ACAA2: variants seen among roughly 807,000 people sequenced by gnomAD.
ACAA2 encodes the protein acetyl-CoA acyltransferase 2.
In ACAA2, 35 loss-of-function variants were observed where a neutral mutation model predicts 44.8. The ratio of observed to expected loss-of-function variants is 0.78; its 90% CI spans 0.60 to 1.04. The LOEUF (loss-of-function observed/expected upper bound fraction) is 1.04. Ranked by LOEUF, ACAA2 falls within the 50% of genes least tolerant of loss-of-function variation. ACAA2 has a pLI of 0.00. For synonymous variants in ACAA2, 142 were observed against 166.5 expected (o/e 0.85, Z 1.13); for missense variants, 468 against 482.6 (o/e 0.97, Z 0.28).
At position 49,797,478 on chromosome 18, in the gene ACAA2, C is replaced by T; in HGVS notation, c.300G>A (p.Val100=). 1.2e-6 allele frequency: 2 copies of T among 1,609,332 alleles called. No homozygotes were observed. Among genetic ancestry groups the T allele is most frequent in the Non-Finnish European group, 1.7e-6 (2 of 1,179,070 alleles). ...RLCGSGFQSI[V]NGCQEICVKE... is the part of the protein sequence containing the mutation. ...ATGTTGTCCATACCTGACATCCATT[C>T]ACAATGGACTGAAAACCAGAACCAC... The change falls in exon 3 of 10, where the codon GTG becomes GTA. Residue 100 remains valine (V), a synonymous_variant. Transcript: ENST00000285093.
At position 49,810,077 on chromosome 18, in the gene ACAA2, A is replaced by T. The variant is rs973081503; in HGVS notation, c.16+3392T>A. On this transcript the variant is annotated intron_variant, in intron 1 of 9. Transcript: ENST00000285093. ...TTCTTTAAAGTCGGATAGTAAAAAA[A>T]CACGGGCAGAACCTCAAGGACTAAC... Among the ~76,000 whole-genome samples the T allele has an allele frequency of 2.0e-5, 3 of 152,250 alleles. No individual in the cohort carries two copies. In the South Asian group the frequency reaches 6.2e-4, roughly 31 times the overall value.
At chr18:49,794,231 CCTATAGATATTTATT>C in intron 5 of ACAA2, 34 bp downstream of exon 5, 2 of 1,330,832 alleles carry the variant, frequency 1.5e-6, no homozygotes, top group East Asian at 2.6e-5. Flanking sequence ...GAAAATATTT[CCTATAGATATTTATT>C]CTATAGATAC....
Position 49,791,659 on chromosome 18 carries a change from G to GAACTAATGGACTAGTAGT in ACAA2, c.754-78_754-61dup, listed in dbSNP as rs2023400856. The GAACTAATGGACTAGTAGT allele has an allele frequency of 3.2e-6, 5 of 1,553,242 alleles. No homozygotes were observed. The East Asian group carries it at 1.1e-4, about 35-fold the overall frequency. ...AAAATAATCCAGTTAATCAAAGTTT[G>GAACTAATGGACTAGTAGT]AACTAATGGACTAGTAGTATTAGGA... is the stretch of plus-strand genomic sequence containing the variant. On this transcript the variant is annotated intron_variant, in intron 6 of 9. Transcript: ENST00000285093.
intron 1 of ACAA2, among the ~76,000 whole-genome samples, chr18:49,810,535 T>G (rs1470976458): frequency 6.6e-6 from 1 of 151,406 alleles, no homozygotes; most frequent in Non-Finnish European, 1.5e-5. Flanking sequence ...CATGGGAAAA[T>G]AAAAACAAAA....
At chr18:49,808,797 T>C (rs1340741907) in intron 1 of ACAA2, among the ~76,000 whole-genome samples, 5 of 152,098 alleles carry the variant, frequency 3.3e-5, no homozygotes, top group Non-Finnish European at 5.9e-5. Context: ...AATCAAAAAC[T>C]CCTGATAAGG....
chr18:49,791,006 A>G (rs952617897), intron 7 of ACAA2, among the ~76,000 whole-genome samples: 1 of 152,164 alleles, frequency 6.6e-6, no homozygotes, highest in African/African-American at 2.4e-5. Context: ...CTCATTCACA[A>G]AGAAGTCTCC....
At chr18:49,800,220 G>T (rs1183662412) in intron 2 of ACAA2, among the ~76,000 whole-genome samples, 10 of 143,610 alleles carry the variant, frequency 7.0e-5, no homozygotes, top group Non-Finnish European at 1.1e-4. Flanking sequence ...TCCGGGAGGT[G>T]GGGGGGTCAG....
At chr18:49,804,057 C>T (rs1210991135) in intron 1 of ACAA2, among the ~76,000 whole-genome samples, 1 of 152,016 alleles carries the variant, frequency 6.6e-6, no homozygotes, top group Non-Finnish European at 1.5e-5. Flanking sequence ...ACTACAGACA[C>T]CCACCACCAG....
chr18:49,810,541 CA>C (rs1415452217), intron 1 of ACAA2, among the ~76,000 whole-genome samples: 1 of 150,638 alleles, frequency 6.6e-6, no homozygotes, highest in Admixed American at 6.6e-5. Flanking sequence ...AAAATAAAAA[CA>C]AAAAAAAACC....
Position 49,785,588 on chromosome 18 carries a change from T to C in ACAA2, c.955-237A>G, listed in dbSNP as rs1412079486. The C allele has an allele frequency of 3.2e-5, 16 of 502,262 alleles. No homozygotes were observed. The Admixed American group carries it at 3.3e-4, about 10-fold the overall frequency. The allele number at this position is 502,262 out of a possible 1,614,324, so 31.1% of individuals were successfully genotyped here. A position where few individuals can be genotyped will look rare whatever the true frequency, so the allele number is the denominator to read the frequency against. ...TTAGAGGCAATTCTCAGTAATCCCATAAATTGACACATACCAGACACAGTG... is the reference window on the plus strand; with the variant it reads ...TTAGAGGCAATTCTCAGTAATCCCACAAATTGACACATACCAGACACAGTG... On this transcript the variant is annotated intron_variant, in intron 8 of 9. Transcript: ENST00000285093.
Position 49,787,309 on chromosome 18 carries a change from C to CTTAAGACTCAGTCCTGCTTTCTT in ACAA2, c.913_935dup (p.Asp313ArgfsTer5). Reference sequence around the variant, plus strand: ...CACTTACCTCTACCAAATCCATGTCCTTAAGACTCAGTCCTGCTTTCTTCA... The same window carrying CTTAAGACTCAGTCCTGCTTTCTT: ...CACTTACCTCTACCAAATCCATGTCCTTAAGACTCAGTCCTGCTTTCTTTTAAGACTCAGTCCTGCTTTCTTCA... On this transcript the variant is annotated stop_gained and frameshift_variant, in exon 8 of 10. Coordinates refer to ENST00000285093, the MANE Select transcript of ACAA2 (RefSeq NM_006111.3). LOFTEE classifies it high-confidence loss of function. 7.0e-7 allele frequency: 1 copy of CTTAAGACTCAGTCCTGCTTTCTT among 1,423,312 alleles called. No homozygotes were observed. Among genetic ancestry groups the CTTAAGACTCAGTCCTGCTTTCTT allele is most frequent in the Non-Finnish European group, 9.3e-7 (1 of 1,076,498 alleles). 88.2% of individuals were successfully genotyped at this position (1,423,312 alleles called of 1,614,324 possible).
chr18:49,809,839 A>G lies in ACAA2; in HGVS notation c.16+3630T>C, dbSNP rs192048989. ...GTCAAAACCCATAGAACTATACAAT[A>G]CAATGAATGAACTTGAATGCAAAAT... On this transcript the variant is annotated intron_variant, in intron 1 of 9. Coordinates refer to ENST00000285093, the MANE Select transcript of ACAA2 (RefSeq NM_006111.3). Among the ~76,000 whole-genome samples, 21 of 152,370 alleles carry G rather than the reference A, an allele frequency of 1.4e-4. No homozygotes were observed. In the East Asian group the frequency reaches 3.7e-3, roughly 27 times the overall value.
Position 49,792,174 on chromosome 18 carries a change from G to A in ACAA2, c.731C>T (p.Thr244Ile), listed in dbSNP as rs2023409706. The A allele has an allele frequency of 6.2e-7, 1 of 1,613,840 alleles. No individual in the cohort carries two copies. Among genetic ancestry groups the A allele is most frequent in the Non-Finnish European group, 8.5e-7 (1 of 1,179,890 alleles). ...KLPPVFKKDG[T>I]VTAGNASGVA... Reference sequence around the variant, plus strand: ...AACCGATGCATTCCCTGCAGTAACAGTTCCATCTTTCTTGAATACTGGAGG... The same window carrying A: ...AACCGATGCATTCCCTGCAGTAACAATTCCATCTTTCTTGAATACTGGAGG... The change falls in exon 6 of 10, where the codon ACT becomes ATT. Residue 244 changes from threonine (T) to isoleucine (I), a missense_variant. Thr to Ile is a moderately conservative substitution (Grantham distance 89, BLOSUM62 -1). Transcript: ENST00000285093.
At chr18:49,807,398 C>T (rs985624339) in intron 1 of ACAA2, among the ~76,000 whole-genome samples, 1 of 151,618 alleles carries the variant, frequency 6.6e-6, no homozygotes, top group Non-Finnish European at 1.5e-5. Flanking sequence ...ACAAAGAGAT[C>T]ATAGACTTAA....
chr18:49,784,005 C>T (rs2023297302), intron 9 of ACAA2, 74 bp from the exon 10 acceptor site: 11 of 1,186,852 alleles, frequency 9.3e-6, no homozygotes, highest in South Asian at 1.3e-5. Context: ...AATAACATCA[C>T]ATCTGCATTA....
chr18:49,800,279 G>T (rs1490128945), intron 2 of ACAA2, among the ~76,000 whole-genome samples: 1 of 148,150 alleles, frequency 6.7e-6, no homozygotes, highest in Non-Finnish European at 1.5e-5. Flanking sequence ...AGGTGGGGGG[G>T]TCAGCCCCCC....
At chr18:49,802,560 CAAAAA>C in intron 2 of ACAA2, 122 bp downstream of exon 2, 16 of 592,488 alleles carry the variant, frequency 2.7e-5, no homozygotes, top group South Asian at 1.5e-4. Flanking sequence ...GACTCCATCT[CAAAAA>C]AAAAAAAAAA....
intron 2 of ACAA2, among the ~76,000 whole-genome samples, chr18:49,801,910 G>T (rs2023554587): frequency 6.6e-6 from 1 of 151,054 alleles, no homozygotes; most frequent in Non-Finnish European, 1.5e-5. Context: ...ACAAATGTTT[G>T]TATACTTTAA....
At chr18:49,802,582 A>C in intron 2 of ACAA2, 105 bp downstream of exon 2, 1 of 980,622 alleles carries the variant, frequency 1.0e-6, no homozygotes, top group South Asian at 2.1e-5. Flanking sequence ...AAAAAAGTCT[A>C]TAACTATTAT....
Sources: allele counts gnomAD v4.1 joint callset (sites outside exome capture counted in the v4.1 genomes callset), GRCh38; gene constraint gnomAD v4.1.1; transcripts MANE v1.5; gene names NCBI Gene and HGNC (gene_info 2026-07-23, HGNC 2026-07-21).